The following PTPRD variants were observed in gnomAD, a reference collection of about 807,000 sequenced individuals.
The protein encoded by PTPRD is receptor-type tyrosine-protein phosphatase delta.
PTPRD carries 34 observed loss-of-function variants against 214.5 expected under a neutral mutation model. That is an observed-to-expected ratio of 0.16 (90% CI 0.12 to 0.21). PTPRD has a LOEUF of 0.21. Ranked by LOEUF, PTPRD falls within the 10% of genes least tolerant of loss-of-function variation. The pLI, the probability that PTPRD is intolerant of heterozygous loss-of-function variation, is 1.00. For synonymous variants in PTPRD, 1,128 were observed against 845.7 expected (o/e 1.33, Z -5.79); for missense variants, 2,545 against 2,398.7 (o/e 1.06, Z -1.27).
At chr9:8,327,258 C>G (rs1321421064) in intron 44 of PTPRD, among the ~76,000 whole-genome samples, 1 of 151,844 alleles carries the variant, frequency 6.6e-6, no homozygotes, top group Non-Finnish European at 1.5e-5. Flanking sequence ...CAAAGAACAT[C>G]TTTATTTCTG....
intron 3 of PTPRD, among the ~76,000 whole-genome samples, chr9:10,178,179 T>A (rs144037439): frequency 6.6e-6 from 1 of 152,058 alleles, no homozygotes; most frequent in African/African-American, 2.4e-5. Context: ...AGATATTTAC[T>A]TCCCTTGGAA....
intron 7 of PTPRD, among the ~76,000 whole-genome samples, chr9:9,593,664 C>G (rs528562463): frequency 6.6e-6 from 1 of 151,936 alleles, no homozygotes; most frequent in Non-Finnish European, 1.5e-5. Flanking sequence ...AAAAAGAGAA[C>G]CCTCTGTCCT....
intron 9 of PTPRD, among the ~76,000 whole-genome samples, chr9:9,247,717 G>C (rs2099973710): frequency 6.6e-6 from 1 of 151,976 alleles, no homozygotes; most frequent in African/African-American, 2.4e-5. Context: ...TCTGACCCTT[G>C]AATCCCACAC....
chr9:9,701,632 G>C (rs949374888), intron 7 of PTPRD, among the ~76,000 whole-genome samples: 2 of 152,168 alleles, frequency 1.3e-5, no homozygotes, highest in African/African-American at 4.8e-5. Context: ...ACATATGAAA[G>C]ACCTTGCAGA....
intron 43 of PTPRD, among the ~76,000 whole-genome samples, chr9:8,337,931 CT>C (rs1340478769): frequency 6.6e-6 from 1 of 151,608 alleles, no homozygotes; most frequent in African/African-American, 2.4e-5. Flanking sequence ...GATTTAACTG[CT>C]GCCTTGAATA....
intron 2 of PTPRD, among the ~76,000 whole-genome samples, chr9:10,378,718 G>C (rs535821091): frequency 6.6e-6 from 1 of 152,050 alleles, no homozygotes; most frequent in South Asian, 2.1e-4. Context: ...GGTTAGTATA[G>C]CTGTGTATTA....
chr9:9,882,767 G>A (rs1290497960), intron 5 of PTPRD, among the ~76,000 whole-genome samples: 1 of 152,000 alleles, frequency 6.6e-6, no homozygotes, highest in African/African-American at 2.4e-5. Context: ...ATGTGATTTG[G>A]ATATTTGTCC....
At chr9:8,512,343 T>C (rs920302948) in intron 21 of PTPRD, among the ~76,000 whole-genome samples, 2 of 152,082 alleles carry the variant, frequency 1.3e-5, no homozygotes, top group African/African-American at 4.8e-5. Flanking sequence ...TCATTAAATA[T>C]AAATGAGAAA....
chr9:8,659,056 T>C (rs1174707604), intron 12 of PTPRD, among the ~76,000 whole-genome samples: 1 of 146,534 alleles, frequency 6.8e-6, no homozygotes, highest in Non-Finnish European at 1.5e-5. Flanking sequence ...CCTTCAACAA[T>C]GTCAAAAGAA....
intron 11 of PTPRD, among the ~76,000 whole-genome samples, chr9:8,781,860 G>A (rs2095712442): frequency 6.6e-6 from 1 of 152,138 alleles, no homozygotes; most frequent in Admixed American, 6.5e-5. Context: ...GTCCTTCCAT[G>A]TCACTCTGTA....
At chr9:9,468,553 G>C (rs545518147) in intron 8 of PTPRD, among the ~76,000 whole-genome samples, 2 of 151,892 alleles carry the variant, frequency 1.3e-5, no homozygotes, top group East Asian at 3.9e-4. Flanking sequence ...TCTTGATTAG[G>C]ACATATCAGT....
chr9:9,909,638 C>G (rs1275230300), intron 5 of PTPRD, among the ~76,000 whole-genome samples: 2 of 151,754 alleles, frequency 1.3e-5, no homozygotes, highest in Non-Finnish European at 2.9e-5. Flanking sequence ...TGTAAAATTA[C>G]TTTTTTAATT....
At position 8,504,332 on chromosome 9, in the gene PTPRD, C is replaced by T. The variant is rs139581216; in HGVS notation, c.1751G>A (p.Arg584His). 3.9e-5 allele frequency: 63 copies of T among 1,613,960 alleles called. No individual in the cohort carries two copies. The Middle Eastern group carries it at 6.6e-4, about 17-fold the overall frequency. The change falls in exon 23 of 46, where the codon CGT becomes CAT. Residue 584 changes from arginine (R) to histidine (H), a missense_variant. Transcript: ENST00000381196. ...GLKPNSLYYF[R>H]LAARSPQGLG... ...GCCTTGAGGGGAGCGTGCAGCCAGA[C>T]GGAAATAGTATAAGCTGTTTGGTTT...
chr9:8,449,735 A>G lies in PTPRD; in HGVS notation c.3978T>C (p.Phe1326=), dbSNP rs1424404448. Residue 1326 remains phenylalanine, a synonymous_variant, in exon 34 of 46, where the codon TTT becomes TTC. Transcript: ENST00000381196. ...TGTGATGCTTCTTACCCGGTGTTTGAAAGTTAAGGCGCCTCAGTTCTACAG... is the reference window on the plus strand; with the variant it reads ...TGTGATGCTTCTTACCCGGTGTTTGGAAGTTAAGGCGCCTCAGTTCTACAG... ...TDPVELRRLN[F]QTPGMASHPP... The G allele has an allele frequency of 3.1e-6, 5 of 1,613,862 alleles. No individual in the cohort carries two copies. The highest frequency in any genetic ancestry group is 3.4e-6 in the Non-Finnish European group (4 of 1,179,874).
In PTPRD at chr9:10,037,580, G is replaced by GAA. The variant is rs376794277; in HGVS notation, c.-544-3792_-544-3791dup. On this transcript the variant is annotated intron_variant, in intron 3 of 45. Transcript: ENST00000381196. The stretch of plus-strand genomic sequence containing the variant: ...TCTTGAGTATTTCTTTATAGCAGTG[G>GAA]AAAAAAAAAAAAAAAAAAACAAGCT... Among the ~76,000 whole-genome samples the GAA allele has an allele frequency of 7.3e-3, 610 of 83,112 alleles. 5 individuals are homozygous for GAA. Among genetic ancestry groups the GAA allele is most frequent in the South Asian group, 0.024 (50 of 2,110 alleles). 54.5% of individuals were successfully genotyped at this position (83,112 alleles called of 152,430 possible). A position where few individuals can be genotyped will look rare whatever the true frequency, so the allele number is the denominator to read the frequency against.
At chr9:9,398,331 C>G (rs904599509) in intron 8 of PTPRD, among the ~76,000 whole-genome samples, 1 of 151,920 alleles carries the variant, frequency 6.6e-6, no homozygotes, top group Admixed American at 6.6e-5. Context: ...GTGTGTTTAG[C>G]CCATATTGGT....
Position 9,675,538 on chromosome 9 carries a change from T to G in PTPRD, c.-287+58995A>C, listed in dbSNP as rs539446726. Among the ~76,000 whole-genome samples the G allele has an allele frequency of 2.0e-5, 3 of 151,974 alleles. No individual in the cohort carries two copies. The East Asian group carries it at 5.8e-4, about 29-fold the overall frequency. ...AAAAGAGACTACAAATACTTAGTAC[T>G]GCATTTTTATAGGACAGTCATATAC... On this transcript the variant is annotated intron_variant, in intron 7 of 45. Transcript: ENST00000381196.
chr9:9,125,493 T>C (rs991844818), intron 10 of PTPRD, among the ~76,000 whole-genome samples: 9 of 152,184 alleles, frequency 5.9e-5, no homozygotes, highest in African/African-American at 1.9e-4. Flanking sequence ...AGTGCTGCAA[T>C]TGTCTGAGAA....
At chr9:9,732,240 A>AAT (rs2154442881) in intron 7 of PTPRD, among the ~76,000 whole-genome samples, 1 of 152,226 alleles carries the variant, frequency 6.6e-6, no homozygotes, top group East Asian at 1.9e-4. Flanking sequence ...TATGTACTGA[A>AAT]GAAAGATTGC....
Sources: gnomAD v4.1 joint callset for allele counts (sites outside exome capture counted in the v4.1 genomes callset) on GRCh38, gnomAD v4.1.1 for gene constraint, MANE v1.5 for transcripts, NCBI Gene and HGNC (gene_info 2026-07-23, HGNC 2026-07-21) for gene names.